Variants in TACR1 observed in about 807,000 individuals in gnomAD.
TACR1 encodes the protein tachykinin receptor 1.
A neutral mutation model predicts 35.8 loss-of-function variants in TACR1; 25 were observed. That is an observed-to-expected ratio of 0.70 (90% confidence interval 0.51 to 0.98). TACR1 has a LOEUF of 0.98. Among genes scored for constraint, TACR1 ranks in the 50% least tolerant of loss-of-function variants. TACR1 has a pLI of 0.00. For synonymous variants in TACR1, 195 were observed against 206.7 expected, an observed-to-expected ratio of 0.94 and a Z score of 0.48; for missense variants, 478 against 522.9, an observed-to-expected ratio of 0.91 and a Z score of 0.84.
Position 75,095,682 on chromosome 2 carries a change from G to A in TACR1, c.584+24892C>T, listed in dbSNP as rs76240229. ...TTTTGGGTCAGGAGAATTAGCGCTC[G>A]CCTAATATCCAGGAGCTCTCCCTCA... is the stretch of plus-strand genomic sequence containing the variant. On this transcript the variant is annotated intron_variant, in intron 2 of 4. Coordinates refer to ENST00000305249, the MANE Select transcript of TACR1 (RefSeq NM_001058.4). Among the ~76,000 whole-genome samples, 427 of 152,246 alleles carry A rather than the reference G, an allele frequency of 2.8e-3. 2 individuals are homozygous for A. The highest frequency in any genetic ancestry group is 9.9e-3 in the African/African-American group (411 of 41,546).
intron 1 of TACR1, among the ~76,000 whole-genome samples, chr2:75,180,156 CT>C (rs1246261496): frequency 6.6e-6 from 1 of 152,156 alleles, no homozygotes; most frequent in Non-Finnish European, 1.5e-5. Context: ...TGTAATCTCC[CT>C]GTTTTAAATG....
chr2:75,087,475 C>A (rs1021204367), intron 2 of TACR1, among the ~76,000 whole-genome samples: 1 of 152,218 alleles, frequency 6.6e-6, no homozygotes, highest in African/African-American at 2.4e-5. Context: ...CAACAATCAT[C>A]ATTCACCATG....
intron 2 of TACR1, among the ~76,000 whole-genome samples, chr2:75,108,760 A>C (rs1317182438): frequency 3.9e-5 from 6 of 152,224 alleles, no homozygotes; most frequent in Non-Finnish European, 8.8e-5. Context: ...AGAATCAATA[A>C]ATTGGCTAGA....
chr2:75,082,082 C>G (rs1673099026), intron 2 of TACR1, among the ~76,000 whole-genome samples: 1 of 152,056 alleles, frequency 6.6e-6, no homozygotes, highest in Non-Finnish European at 1.5e-5. Context: ...CCCCGCACCC[C>G]ACAACAGGCT....
At position 75,161,255 on chromosome 2, in the gene TACR1, C is replaced by A. The variant is rs543760197; in HGVS notation, c.389+37291G>T. Among the ~76,000 whole-genome samples the A allele has an allele frequency of 2.7e-4, 41 of 152,050 alleles. No homozygotes were observed. The Middle Eastern group carries it at 0.01, about 38-fold the overall frequency. ...AAGCTGTTTACTAAAAGAATTATGG[C>A]AAATCTTGCAAACATTTAAATTGAA... On this transcript the variant is annotated intron_variant, in intron 1 of 4. Transcript: ENST00000305249.
At chr2:75,053,863 A>G (rs776594172) in intron 2 of TACR1, 108 bp from the exon 3 acceptor site, 5 of 1,434,718 alleles carry the variant, frequency 3.5e-6, no homozygotes, top group Non-Finnish European at 4.8e-6. Flanking sequence ...CTTTCTCAGC[A>G]TATGCCATTA....
At chr2:75,068,364 G>C (rs1156615545) in intron 2 of TACR1, among the ~76,000 whole-genome samples, 1 of 152,182 alleles carries the variant, frequency 6.6e-6, no homozygotes, top group Admixed American at 6.5e-5. Flanking sequence ...CTTTGTAAAT[G>C]TTAATCGCGT....
intron 2 of TACR1, among the ~76,000 whole-genome samples, chr2:75,103,099 A>G (rs1673571531): frequency 6.6e-6 from 1 of 152,202 alleles, no homozygotes; most frequent in Non-Finnish European, 1.5e-5. Flanking sequence ...AATACTTACT[A>G]TATTAGAAAC....
rs181354818 is a variant in TACR1 at position 75,047,218 on chromosome 2, G to T, written c.*2214C>A. 4 of 152,382 alleles carry T rather than the reference G, an allele frequency of 2.6e-5. No homozygotes were observed. The highest frequency in any genetic ancestry group is 5.9e-5 in the Non-Finnish European group (4 of 68,060). 9.4% of individuals were successfully genotyped at this position (152,382 alleles called of 1,614,324 possible). A position where few individuals can be genotyped will look rare whatever the true frequency, so the allele number is the denominator to read the frequency against. On this transcript the variant is annotated 3_prime_UTR_variant, in exon 5 of 5. Coordinates refer to ENST00000305249, the MANE Select transcript of TACR1 (RefSeq NM_001058.4). ...CAGCTCCCTTTGGAAGTACCCCAGA[G>T]AACTCTCATTCCAGAGGCTCTCCAA...
chr2:75,134,838 A>G (rs1572949637), intron 1 of TACR1, among the ~76,000 whole-genome samples: 1 of 152,156 alleles, frequency 6.6e-6, no homozygotes, highest in South Asian at 2.1e-4. Flanking sequence ...TCTTCTTTCT[A>G]TTAAGCAGGC....
chr2:75,056,971 C>A (rs1023847678), intron 2 of TACR1, among the ~76,000 whole-genome samples: 3 of 152,150 alleles, frequency 2.0e-5, no homozygotes, highest in Non-Finnish European at 4.4e-5. Context: ...TGAATCTGCA[C>A]ACAACATCAT....
At chr2:75,186,371 C>CAA (rs373147504) in intron 1 of TACR1, among the ~76,000 whole-genome samples, 8,534 of 81,622 alleles carry the variant, frequency 0.1, 526 homozygotes, top group African/African-American at 0.15. Flanking sequence ...GACTCTGTCT[C>CAA]AAAAAAAAAA....
intron 1 of TACR1, among the ~76,000 whole-genome samples, chr2:75,153,159 C>G (rs571689788): frequency 2.0e-5 from 3 of 152,312 alleles, no homozygotes; most frequent in African/African-American, 7.2e-5. Flanking sequence ...CCTTGGCCTC[C>G]CAAATTGCTG....
chr2:75,085,177 C>T (rs1170687345), intron 2 of TACR1, among the ~76,000 whole-genome samples: 1 of 152,118 alleles, frequency 6.6e-6, no homozygotes, highest in Non-Finnish European at 1.5e-5. Context: ...GATGCATCAC[C>T]TTGGGCAGTT....
At chr2:75,137,550 C>T (rs960723152) in intron 1 of TACR1, among the ~76,000 whole-genome samples, 10 of 151,356 alleles carry the variant, frequency 6.6e-5, no homozygotes, top group Non-Finnish European at 1.0e-4. Context: ...ACAGTGAAAC[C>T]CCATCTCTAC....
In TACR1 at chr2:75,049,182, A is replaced by C; in HGVS notation, c.*250T>G. 2.0e-6 allele frequency: 1 copy of C among 489,874 alleles called. No individual in the cohort carries two copies. 30.3% of individuals were successfully genotyped at this position (489,874 alleles called of 1,614,324 possible). A position where few individuals can be genotyped will look rare whatever the true frequency, so the allele number is the denominator to read the frequency against. On this transcript the variant is annotated 3_prime_UTR_variant, in exon 5 of 5. Transcript: ENST00000305249. The stretch of plus-strand genomic sequence containing the variant: ...TGGGCTTTTGGGAAAAGCTGGTCCG[A>C]CCTTTTATTTTACAGGCTCAGCAAA...
chr2:75,172,003 C>A (rs1002037445), intron 1 of TACR1, among the ~76,000 whole-genome samples: 40 of 152,132 alleles, frequency 2.6e-4, no homozygotes, highest in African/African-American at 9.6e-4. Context: ...GTGAGAGGGA[C>A]CATGGGTGGA....
intron 1 of TACR1, among the ~76,000 whole-genome samples, chr2:75,150,731 C>G (rs958048215): frequency 6.6e-6 from 1 of 152,152 alleles, no homozygotes; most frequent in Non-Finnish European, 1.5e-5. Flanking sequence ...GTGGAAGCGA[C>G]TTTGGAACTG....
At chr2:75,176,308 T>TA (rs1361438687) in intron 1 of TACR1, among the ~76,000 whole-genome samples, 2 of 151,900 alleles carry the variant, frequency 1.3e-5, no homozygotes, top group African/African-American at 4.8e-5. Flanking sequence ...TTCATTATAG[T>TA]AAAGGAGACA....
Sources: gnomAD v4.1 joint callset for allele counts (sites outside exome capture counted in the v4.1 genomes callset) on GRCh38, gnomAD v4.1.1 for gene constraint, MANE v1.5 for transcripts, NCBI Gene and HGNC (gene_info 2026-07-23, HGNC 2026-07-21) for gene names.